The following CYRIB variants were observed in gnomAD, a reference collection of about 807,000 sequenced individuals.
CYRIB encodes the protein CYFIP related Rac1 interactor B.
Under a neutral mutation model 44.2 loss-of-function variants are expected in CYRIB, and 8 were observed. The ratio of observed to expected loss-of-function variants is 0.18; its 90% confidence interval spans 0.11 to 0.33. The LOEUF (loss-of-function observed/expected upper bound fraction) is 0.33. Ranked by LOEUF, CYRIB falls within the 10% of genes least tolerant of loss-of-function variation. CYRIB has a pLI of 1.00. For synonymous variants in CYRIB, 131 were observed against 127.2 expected, an observed-to-expected ratio of 1.03 and a Z score of -0.20; for missense variants, 185 against 382.8, an observed-to-expected ratio of 0.48 and a Z score of 4.31.
chr8:129,852,611 T>C (rs779151615), intron 7 of CYRIB, among the ~76,000 whole-genome samples: 2 of 152,140 alleles, frequency 1.3e-5, no homozygotes, highest in African/African-American at 2.4e-5. Context: ...ACAACATCCA[T>C]GGTAAGATTC....
chr8:129,901,363 G>C (rs1376791263), intron 2 of CYRIB: 1 of 152,018 alleles, frequency 6.6e-6, no homozygotes, highest in African/African-American at 2.4e-5. Context: ...ATAACAGGCA[G>C]GTGCTACCAT....
At chr8:129,969,123 C>T (rs763100414) in intron 2 of CYRIB, among the ~76,000 whole-genome samples, 1 of 145,508 alleles carries the variant, frequency 6.9e-6, no homozygotes, top group Non-Finnish European at 1.5e-5. Flanking sequence ...AGGCAATTCT[C>T]CTGCCTCAGC....
intron 1 of CYRIB, among the ~76,000 whole-genome samples, chr8:129,933,295 G>T (rs1004586452): frequency 6.6e-6 from 1 of 152,194 alleles, no homozygotes; most frequent in Non-Finnish European, 1.5e-5. Context: ...GAGCAAGATG[G>T]TTAGGAATGG....
Position 129,991,709 on chromosome 8 carries a change from G to A in CYRIB, c.-295-20714C>T, listed in dbSNP as rs1358314916. On this transcript the variant is annotated intron_variant, in intron 1 of 14. Coordinates refer to the CYRIB transcript ENST00000401979. ...TCATGCCTGTAATCCCAGCACTTTG[G>A]GAGGCCGAGGCAGGCAGATCACTTG... 2.6e-5 allele frequency among the ~76,000 whole-genome samples: 4 copies of A among 151,988 alleles called. No homozygotes were observed. The East Asian group carries it at 7.7e-4, about 29-fold the overall frequency.
At chr8:129,950,906 C>A (rs1185696258) in intron 2 of CYRIB, among the ~76,000 whole-genome samples, 1 of 152,152 alleles carries the variant, frequency 6.6e-6, no homozygotes. Context: ...TACTTGGGGG[C>A]AGTACGATTT....
At chr8:129,989,980 T>C (rs1281489777) in intron 1 of CYRIB, among the ~76,000 whole-genome samples, 1 of 152,126 alleles carries the variant, frequency 6.6e-6, no homozygotes, top group African/African-American at 2.4e-5. Flanking sequence ...GAACTCATCA[T>C]TTTTATGGCT....
At chr8:129,964,057 C>T (rs1021446938) in intron 2 of CYRIB, among the ~76,000 whole-genome samples, 30 of 152,152 alleles carry the variant, frequency 2.0e-4, no homozygotes, top group African/African-American at 7.0e-4. Context: ...TAAAACATTT[C>T]CTGATGGGTT....
intron 1 of CYRIB, among the ~76,000 whole-genome samples, chr8:129,922,621 T>TG (rs1316905733): frequency 6.6e-6 from 1 of 151,758 alleles, no homozygotes; most frequent in Admixed American, 6.6e-5. Flanking sequence ...CCCAGCACTT[T>TG]GGGAGGCCGA....
intron 2 of CYRIB, among the ~76,000 whole-genome samples, chr8:129,881,204 GT>G (rs2060687646): frequency 6.6e-6 from 1 of 152,170 alleles, no homozygotes; most frequent in South Asian, 2.1e-4. Context: ...GAGGATGAAA[GT>G]GGGAAATGGG....
intron 1 of CYRIB, among the ~76,000 whole-genome samples, chr8:130,010,103 G>C (rs796607602): frequency 2.0e-5 from 3 of 152,298 alleles, no homozygotes; most frequent in African/African-American, 7.2e-5. Context: ...TGCTGGTGCT[G>C]GGAGGGGGAA....
intron 1 of CYRIB, among the ~76,000 whole-genome samples, chr8:129,981,377 C>T (rs1484439427): frequency 6.6e-6 from 1 of 152,166 alleles, no homozygotes; most frequent in African/African-American, 2.4e-5. Flanking sequence ...TATTGAACTC[C>T]TGGACTCAAA....
At chr8:129,977,243 T>C (rs932723270) in intron 1 of CYRIB, among the ~76,000 whole-genome samples, 5 of 152,168 alleles carry the variant, frequency 3.3e-5, no homozygotes, top group African/African-American at 1.2e-4. Context: ...AGAGAAGGCA[T>C]CTAACAGGTA....
chr8:129,862,440 C>A, intron 4 of CYRIB, 106 bp from the exon 7 acceptor site: 1 of 844,474 alleles, frequency 1.2e-6, no homozygotes, highest in South Asian at 1.5e-5. Context: ...TGGTATAATC[C>A]ATAAAATATA....
intron 2 of CYRIB, among the ~76,000 whole-genome samples, chr8:129,955,211 C>T (rs1334262319): frequency 6.7e-6 from 1 of 148,976 alleles, no homozygotes; most frequent in African/African-American, 2.5e-5. Flanking sequence ...CAAGATCGTG[C>T]CACTGCACTC....
At chr8:129,843,830 T>G (rs1358077256) in intron 11 of CYRIB, 8 of 152,258 alleles carry the variant, frequency 5.3e-5, no homozygotes, top group African/African-American at 1.2e-4. Flanking sequence ...CCTGATATAC[T>G]GTCTACAATG....
chr8:129,924,586 C>G (rs1330778448), intron 1 of CYRIB, among the ~76,000 whole-genome samples: 18 of 152,040 alleles, frequency 1.2e-4, no homozygotes, highest in Non-Finnish European at 1.5e-5. Flanking sequence ...TACTCTGTAG[C>G]CATAGTTAAT....
chr8:129,952,685 A>G (rs1370801018), intron 2 of CYRIB, among the ~76,000 whole-genome samples: 1 of 152,118 alleles, frequency 6.6e-6, no homozygotes, highest in Non-Finnish European at 1.5e-5. Context: ...AAGGGAGAGA[A>G]CCTGATGGAG....
At chr8:129,998,762 G>A (rs1319619344) in intron 1 of CYRIB, among the ~76,000 whole-genome samples, 4 of 151,996 alleles carry the variant, frequency 2.6e-5, no homozygotes, top group East Asian at 3.9e-4. Context: ...CTCCCAAGTA[G>A]CTGGGATTAC....
At chr8:129,935,944 ATTTC>A (rs1219212641) in intron 1 of CYRIB, among the ~76,000 whole-genome samples, 4 of 152,168 alleles carry the variant, frequency 2.6e-5, no homozygotes, top group Non-Finnish European at 5.9e-5. Context: ...TCTAAGAATG[ATTTC>A]TTTGTTTAAA....
Sources: allele counts gnomAD v4.1 joint callset (sites outside exome capture counted in the v4.1 genomes callset), GRCh38; gene constraint gnomAD v4.1.1; transcripts MANE v1.5; gene names NCBI Gene and HGNC (gene_info 2026-07-23, HGNC 2026-07-21).